GLI2: variants seen among roughly 807,000 people sequenced by gnomAD.
GLI2 encodes the protein GLI family zinc finger 2.
Under a neutral mutation model 78.9 loss-of-function variants are expected in GLI2, and 22 were observed. That is an observed-to-expected ratio of 0.28 (90% CI 0.20 to 0.40). The LOEUF (loss-of-function observed/expected upper bound fraction) is 0.40, where lower values mean the gene tolerates loss of function less well. Among genes scored for constraint, GLI2 ranks in the 10% least tolerant of loss-of-function variants. GLI2 has a pLI of 1.00. For synonymous variants in GLI2, 974 were observed against 963.7 expected, an observed-to-expected ratio of 1.01 and a Z score of -0.20; for missense variants, 2,097 against 2,213.2, an observed-to-expected ratio of 0.95 and a Z score of 1.05.
At chr2:120,766,477 C>T (rs899815575) in intron 1 of GLI2, among the ~76,000 whole-genome samples, 2 of 152,086 alleles carry the variant, frequency 1.3e-5, no homozygotes, top group African/African-American at 4.8e-5. Context: ...TGGAGGCTGC[C>T]CTGGGCAGAG....
At chr2:120,939,304 G>A (rs943115772) in intron 3 of GLI2, among the ~76,000 whole-genome samples, 1 of 151,866 alleles carries the variant, frequency 6.6e-6, no homozygotes, top group African/African-American at 2.4e-5. Flanking sequence ...AACAACAAAA[G>A]CATGTTTAAG....
At chr2:120,753,799 G>C (rs970712350) in intron 1 of GLI2, among the ~76,000 whole-genome samples, 7 of 151,804 alleles carry the variant, frequency 4.6e-5, no homozygotes, top group Admixed American at 6.6e-5. Flanking sequence ...TCGGGAGGCC[G>C]AGGCAGGAGA....
At chr2:120,914,167 A>G (rs1445462775) in intron 2 of GLI2, among the ~76,000 whole-genome samples, 1 of 152,254 alleles carries the variant, frequency 6.6e-6, no homozygotes, top group Non-Finnish European at 1.5e-5. Context: ...CAGCATTGCA[A>G]TAGCTAGCCG....
At chr2:120,946,974 G>A (rs932076760) in intron 3 of GLI2, among the ~76,000 whole-genome samples, 15 of 152,224 alleles carry the variant, frequency 9.9e-5, no homozygotes, top group African/African-American at 3.6e-4. Context: ...TGTGCCCCTG[G>A]ATCCTTAGCG....
At position 120,942,831 on chromosome 2, in the gene GLI2, C is replaced by CTCAT. The variant is rs200772797; in HGVS notation, c.255-8397_255-8394dup. Among the ~76,000 whole-genome samples, 187 of 146,036 alleles carry CTCAT rather than the reference C, an allele frequency of 1.3e-3. 6 individuals carry two copies. The highest frequency in any genetic ancestry group is 4.7e-3 in the African/African-American group (172 of 36,450). On this transcript the variant is annotated intron_variant, in intron 3 of 13. Transcript: ENST00000361492. ...ATTCACTCATTCGTTCACGCCCTCA[C>CTCAT]TCATTCATTCATTCATTCGTTCACG...
intron 13 of GLI2, among the ~76,000 whole-genome samples, chr2:120,987,240 G>A (rs931880099): frequency 2.6e-5 from 4 of 152,122 alleles, no homozygotes; most frequent in Admixed American, 2.0e-4. Context: ...GGATTGTGCC[G>A]GGCTGCCCAC....
intron 1 of GLI2, among the ~76,000 whole-genome samples, chr2:120,792,677 C>T (rs1366007904): frequency 6.6e-6 from 1 of 152,176 alleles, no homozygotes; most frequent in Admixed American, 6.5e-5. Context: ...AGCTGGAGTG[C>T]AGTGGCGCGG....
chr2:120,961,496 C>G (rs1055271129), intron 5 of GLI2, among the ~76,000 whole-genome samples: 1 of 152,164 alleles, frequency 6.6e-6, no homozygotes, highest in Non-Finnish European at 1.5e-5. Flanking sequence ...CAGACTGTCC[C>G]GCCACACCAG....
At chr2:120,852,557 T>C (rs565392764) in intron 2 of GLI2, among the ~76,000 whole-genome samples, 1 of 152,178 alleles carries the variant, frequency 6.6e-6, no homozygotes, top group Non-Finnish European at 1.5e-5. Context: ...AGTGCCAGCA[T>C]TCCAGAGGCA....
intron 2 of GLI2, among the ~76,000 whole-genome samples, chr2:120,810,897 G>C (rs1685206957): frequency 1.3e-5 from 2 of 152,202 alleles, no homozygotes; most frequent in Admixed American, 1.3e-4. Flanking sequence ...TGATAGCTCT[G>C]ATCACCAGAG....
intron 1 of GLI2, among the ~76,000 whole-genome samples, chr2:120,773,155 T>C (rs770596229): frequency 6.6e-6 from 1 of 152,194 alleles, no homozygotes; most frequent in Non-Finnish European, 1.5e-5. Context: ...TTGAGGTCCC[T>C]GTGGAGTAGA....
chr2:120,777,955 C>T (rs1374786347), intron 1 of GLI2, among the ~76,000 whole-genome samples: 1 of 152,072 alleles, frequency 6.6e-6, no homozygotes, highest in Non-Finnish European at 1.5e-5. Flanking sequence ...ACAGAAGTTG[C>T]TGGGAGGCCA....
chr2:120,768,287 G>A (rs890922571), intron 1 of GLI2, among the ~76,000 whole-genome samples: 2 of 152,322 alleles, frequency 1.3e-5, no homozygotes, highest in South Asian at 4.1e-4. Flanking sequence ...CCCCGTCTCA[G>A]AGGAAGCACT....
At chr2:120,919,420 G>T (rs772803850) in intron 2 of GLI2, among the ~76,000 whole-genome samples, 2 of 152,252 alleles carry the variant, frequency 1.3e-5, no homozygotes, top group African/African-American at 2.4e-5. Context: ...CGCAGAGCAG[G>T]CACCCCAGGA....
In GLI2 at chr2:120,972,070, T is replaced by A; in HGVS notation, c.1182+7T>A. 6.2e-7 allele frequency: 1 copy of A among 1,612,854 alleles called. No homozygotes were observed. Among genetic ancestry groups the A allele is most frequent in the Non-Finnish European group, 8.5e-7 (1 of 1,179,846 alleles). On this transcript the variant is annotated splice_region_variant and intron_variant, in intron 8 of 13. Transcript: ENST00000361492. ...CCCTCTGGCGCTGACGCAGGTAACC[T>A]GCTGCCAGCCGCACCACCTTCCTCC...
In GLI2 at chr2:120,836,829, T is replaced by G. The variant is rs1424212231; in HGVS notation, c.148+39361T>G. Among the ~76,000 whole-genome samples the G allele has an allele frequency of 7.2e-5, 11 of 152,286 alleles. No homozygotes were observed. The South Asian group carries it at 2.3e-3, about 32-fold the overall frequency. On this transcript the variant is annotated intron_variant, in intron 2 of 13. Transcript: ENST00000361492. ...TGCTGGGCTGTTGGGTGTACACACTTGTAGCTTTGTTAGATATTGCCAAAT... is the reference window on the plus strand; with the variant it reads ...TGCTGGGCTGTTGGGTGTACACACTGGTAGCTTTGTTAGATATTGCCAAAT...
intron 2 of GLI2, among the ~76,000 whole-genome samples, chr2:120,902,614 T>C (rs1573568890): frequency 1.3e-5 from 2 of 152,268 alleles, no homozygotes; most frequent in East Asian, 3.9e-4. Flanking sequence ...AAATAAAAAT[T>C]CCAGCTGGTG....
chr2:120,796,012 C>G (rs1412881796), intron 1 of GLI2, among the ~76,000 whole-genome samples: 2 of 152,180 alleles, frequency 1.3e-5, no homozygotes, highest in Non-Finnish European at 2.9e-5. Flanking sequence ...CCATTGCACT[C>G]CAGCCTGGGC....
At chr2:120,776,734 G>A (rs1683686903) in intron 1 of GLI2, among the ~76,000 whole-genome samples, 1 of 152,236 alleles carries the variant, frequency 6.6e-6, no homozygotes, top group South Asian at 2.1e-4. Flanking sequence ...GTCAGGGGCT[G>A]TGGAGGCCTG....
Sources: gnomAD v4.1 joint callset for allele counts (sites outside exome capture counted in the v4.1 genomes callset) on GRCh38, gnomAD v4.1.1 for gene constraint, MANE v1.5 for transcripts, NCBI Gene and HGNC (gene_info 2026-07-23, HGNC 2026-07-21) for gene names.